COL1A2: variants seen among roughly 807,000 people sequenced by gnomAD.
COL1A2 encodes collagen type I alpha 2 chain, also known as collagen alpha-2(I) chain.
COL1A2 carries 49 observed loss-of-function variants against 174.3 expected under a neutral mutation model. The ratio of observed to expected loss-of-function variants is 0.28; its 90% confidence interval spans 0.22 to 0.36. The LOEUF (loss-of-function observed/expected upper bound fraction) is 0.36. Among genes scored for constraint, COL1A2 ranks in the 10% least tolerant of loss-of-function variants. The probability of loss-of-function intolerance (pLI) is 1.00; values close to 1 mark genes in which losing one functional copy is unlikely to be tolerated. For synonymous variants in COL1A2, 655 were observed against 606.6 expected, an observed-to-expected ratio of 1.08 and a Z score of -1.17; for missense variants, 1,438 against 1,822.7, an observed-to-expected ratio of 0.79 and a Z score of 3.84.
At chr7:94,427,922 A>G in intron 49 of COL1A2, 37 bp downstream of exon 49, 1 of 1,610,734 alleles carries the variant, frequency 6.2e-7, no homozygotes, top group Non-Finnish European at 8.5e-7. Flanking sequence ...GACCCTTCTC[A>G]CAAGTTGAGC....
chr7:94,405,803 G>A, intron 11 of COL1A2, 77 bp downstream of exon 11: 1 of 1,120,088 alleles, frequency 8.9e-7, no homozygotes, highest in Non-Finnish European at 1.4e-6. Flanking sequence ...TTAAAATCTT[G>A]GGTGACATAT....
At position 94,426,039 on chromosome 7, in the gene COL1A2, A is replaced by T; in HGVS notation, c.2985A>T (p.Pro995=). The T allele has an allele frequency of 1.2e-6, 2 of 1,614,088 alleles. No individual in the cohort carries two copies. Among genetic ancestry groups the T allele is most frequent in the Non-Finnish European group, 1.7e-6 (2 of 1,179,956 alleles). ...GPVGPAGAVG[P]RGPSGPQGIR... ...TTGGTCCTGCTGGTGCTGTTGGCCC[A>T]AGAGGTCCTAGTGTATGTACATGCT... The change falls in exon 45 of 52, where the codon CCA becomes CCT. Residue 995 remains proline (P), a synonymous_variant. Transcript: ENST00000297268.
In COL1A2 at chr7:94,398,969, A is replaced by AT; in HGVS notation, c.97-78dup. The AT allele has an allele frequency of 2.2e-6, 3 of 1,370,310 alleles. 1 individual carries two copies. In the South Asian group the frequency reaches 3.5e-5, roughly 16 times the overall value. 84.9% of individuals were successfully genotyped at this position (1,370,310 alleles called of 1,614,324 possible). On this transcript the variant is annotated intron_variant, in intron 3 of 51. Transcript: ENST00000297268. ...GTTACATCAGTCTTACCAACTAATT[A>AT]TTATCAAGAATGATTTGTTTGTTCA... is the stretch of plus-strand genomic sequence containing the variant.
rs569345918 is a variant in COL1A2 at position 94,426,634 on chromosome 7, A to G, written c.3105+104A>G. 3.1e-3 allele frequency: 2,775 copies of G among 903,034 alleles called. 14 individuals are homozygous for G. Among genetic ancestry groups the G allele is most frequent in the Middle Eastern group, 4.5e-3 (21 of 4,686 alleles). 55.9% of individuals were successfully genotyped at this position (903,034 alleles called of 1,614,324 possible). A position where few individuals can be genotyped will look rare whatever the true frequency, so the allele number is the denominator to read the frequency against. On this transcript the variant is annotated intron_variant, in intron 46 of 51. Transcript: ENST00000297268. ...CTATTGTTCCAGTATAGCCTATATA[A>G]TATCCATTTCCCATTCTCTGGCTAA...
Position 94,420,549 on chromosome 7 carries a change from T to C in COL1A2, c.2196T>C (p.Ala732=), listed in dbSNP as rs771555205. ...CTGTTTATTTCCAACAGGGTGCTGC[T>C]GGTCAACCTGGTGCTAAAGGAGAAA... The part of the protein sequence containing the change: ...PNGFAGPAGA[A]GQPGAKGERG... Residue 732 remains alanine, a synonymous_variant, in exon 37 of 52, where the codon GCT becomes GCC. Coordinates refer to ENST00000297268, the MANE Select transcript of COL1A2 (RefSeq NM_000089.4). 6.2e-7 allele frequency: 1 copy of C among 1,614,074 alleles called. No individual in the cohort carries two copies. The highest frequency in any genetic ancestry group is 1.1e-5 in the South Asian group (1 of 91,060).
chr7:94,428,626 C>T, intron 50 of COL1A2, 149 bp downstream of exon 50: 1 of 735,478 alleles, frequency 1.4e-6, no homozygotes, highest in Admixed American at 2.1e-5. Flanking sequence ...TCCTAAATTG[C>T]ACATTAGAAG....
intron 47 of COL1A2, 22 bp from the exon 48 acceptor site, chr7:94,427,166 A>T: frequency 6.2e-7 from 1 of 1,612,852 alleles, no homozygotes; most frequent in East Asian, 2.2e-5. Context: ...GCTCACATGT[A>T]CCTGGTGTCT....
rs751778880 is a variant in COL1A2, at chr7:94,418,511, C to T, written c.1984C>T (p.Leu662Phe). Residue 662 changes from leucine (L) to phenylalanine (F), a missense_variant, in exon 33 of 52, where the codon CTC becomes TTC. Transcript: ENST00000297268. Reference protein sequence around the residue: ...GGKGEKGEPGLRGEIGNPGRD... With the variant: ...GGKGEKGEPGFRGEIGNPGRD... ...TTTATACTTTCAGGGTGAACCTGGTCTCAGAGGTGAAATTGGTAACCCTGG... is the reference window on the plus strand; with the variant it reads ...TTTATACTTTCAGGGTGAACCTGGTTTCAGAGGTGAAATTGGTAACCCTGG... 1 of 1,613,880 alleles carries T rather than the reference C, an allele frequency of 6.2e-7. No homozygotes were observed. Among genetic ancestry groups the T allele is most frequent in the Admixed American group, 1.7e-5 (1 of 60,020 alleles).
rs1791973961 is a variant in COL1A2 at position 94,413,447 on chromosome 7, C to T, written c.1558-243C>T. On this transcript the variant is annotated intron_variant, in intron 26 of 51. Transcript: ENST00000297268. Reference sequence around the variant, plus strand: ...ATAAATTGCCTTGTGTCGCATACTTCGCTTGAGTCATATCAAAAGTTAGTA... The same window carrying T: ...ATAAATTGCCTTGTGTCGCATACTTTGCTTGAGTCATATCAAAAGTTAGTA... Among the ~76,000 whole-genome samples, 4 of 152,152 alleles carry T rather than the reference C, an allele frequency of 2.6e-5. No individual in the cohort carries two copies. In the South Asian group the frequency reaches 8.3e-4, roughly 31 times the overall value.
At chr7:94,403,634 AT>A (rs1338803612) in intron 6 of COL1A2, among the ~76,000 whole-genome samples, 1 of 152,172 alleles carries the variant, frequency 6.6e-6, no homozygotes, top group Non-Finnish European at 1.5e-5. Flanking sequence ...AATGACATAC[AT>A]TTTAGATAAA....
rs527244489 is a variant in COL1A2 at position 94,429,854 on chromosome 7, TA to T, written c.3955-392del. On this transcript the variant is annotated intron_variant, in intron 51 of 51. Coordinates refer to ENST00000297268, the MANE Select transcript of COL1A2 (RefSeq NM_000089.4). ...TACATTTAACTTTTAATGCTTTTTC[TA>T]CAATATGCTATAAATATAAGAAAAA... The T allele has an allele frequency of 1.4e-3, 362 of 255,646 alleles. 8 individuals carry two copies. The South Asian group carries it at 0.02, about 14-fold the overall frequency. The allele number at this position is 255,646 out of a possible 1,614,324, so 15.8% of individuals were successfully genotyped here. A position where few individuals can be genotyped will look rare whatever the true frequency, so the allele number is the denominator to read the frequency against.
At chr7:94,418,263 C>T (rs756053967) in intron 32 of COL1A2, among the ~76,000 whole-genome samples, 6 of 152,016 alleles carry the variant, frequency 3.9e-5, no homozygotes, top group South Asian at 2.1e-4. Flanking sequence ...GGAGAGTGTA[C>T]GGAAATTAGA....
chr7:94,410,189 G>A (rs1791890535), intron 19 of COL1A2, 53 bp from the exon 20 acceptor site: 2 of 1,568,646 alleles, frequency 1.3e-6, no homozygotes. Context: ...TTGTCTGCAA[G>A]AGAGTTTCAA....
intron 31 of COL1A2, 47 bp downstream of exon 31, chr7:94,416,550 G>A (rs2115917480): frequency 1.5e-6 from 2 of 1,315,556 alleles, no homozygotes. Flanking sequence ...CAGTCTGCCT[G>A]GAATAAGTAG....
intron 26 of COL1A2, among the ~76,000 whole-genome samples, chr7:94,413,352 C>G (rs1265174325): frequency 6.6e-6 from 1 of 152,178 alleles, no homozygotes; most frequent in African/African-American, 2.4e-5. Flanking sequence ...AATACAGAAG[C>G]ACTTGGCTTT....
In COL1A2 at chr7:94,407,867, T is replaced by G. The variant is rs1213591112; in HGVS notation, c.615T>G (p.Gly205=). The change falls in exon 13 of 52, where the codon GGT becomes GGG. Residue 205 remains glycine (G), a synonymous_variant. Transcript: ENST00000297268. ...TGTAGGGTGAACCTGGTGCCCCTGG[T>G]GAAAATGGAACTCCAGGTCAAACAG... ...PGVKGEPGAP[G]ENGTPGQTGA... The G allele has an allele frequency of 6.2e-7, 1 of 1,613,288 alleles. No homozygotes were observed. The highest frequency in any genetic ancestry group is 1.1e-5 in the South Asian group (1 of 91,022).
chr7:94,423,399 A>C (rs1313399561), intron 40 of COL1A2: 1 of 448,450 alleles, frequency 2.2e-6, no homozygotes, highest in African/African-American at 2.0e-5. Context: ...ATTAGAACAG[A>C]GTCCCATTGC....
At position 94,427,789 on chromosome 7, in the gene COL1A2, A is replaced by T. The variant is rs374282276; in HGVS notation, c.3430A>T (p.Asn1144Tyr). 3.1e-6 allele frequency: 5 copies of T among 1,613,974 alleles called. No individual in the cohort carries two copies. The highest frequency in any genetic ancestry group is 1.3e-5 in the African/African-American group (1 of 74,900). The change falls in exon 49 of 52, where the codon AAC becomes TAC. Residue 1144 changes from asparagine to tyrosine, a missense_variant. Physicochemically the swap from Asn to Tyr is moderately radical, Grantham distance 143. Coordinates refer to ENST00000297268, the MANE Select transcript of COL1A2 (RefSeq NM_000089.4). Reference sequence around the variant, plus strand: ...TGATGCTACTCTGAAGTCTCTCAACAACCAGATTGAGACCCTTCTTACTCC... The same window carrying T: ...TGATGCTACTCTGAAGTCTCTCAACTACCAGATTGAGACCCTTCTTACTCC... ...EVDATLKSLNNQIETLLTPEG... is the reference protein window; with the variant it reads ...EVDATLKSLNYQIETLLTPEG...
intron 31 of COL1A2, 97 bp downstream of exon 31, chr7:94,416,600 A>G: frequency 1.0e-6 from 1 of 978,630 alleles, no homozygotes. Context: ...TCAGATTTTT[A>G]TTTATTTCCA....
Sources: allele counts gnomAD v4.1 joint callset (sites outside exome capture counted in the v4.1 genomes callset), GRCh38; gene constraint gnomAD v4.1.1; transcripts MANE v1.5; gene names NCBI Gene and HGNC (gene_info 2026-07-23, HGNC 2026-07-21).